Variants in PRORP observed in about 807,000 individuals in gnomAD.
PRORP encodes protein only RNase P catalytic subunit.
In PRORP, 51 loss-of-function variants were observed where a neutral mutation model predicts 59.4. The observed-to-expected ratio is 0.86, with a 90% CI of 0.69 to 1.08. PRORP has a LOEUF of 1.08. PRORP is among the 50% of genes least tolerant of loss of function. The pLI is 0.00. For missense variants in PRORP, 646 were observed against 690.3 expected (o/e 0.94, Z 0.72); for synonymous variants, 231 against 245.6 (o/e 0.94, Z 0.55).
intron 5 of PRORP, among the ~76,000 whole-genome samples, chr14:35,202,591 A>C (rs1595297854): frequency 6.6e-6 from 1 of 152,160 alleles, no homozygotes; most frequent in Non-Finnish European, 1.5e-5. Flanking sequence ...TTACTGTCTC[A>C]TGCGATCAAA....
chr14:35,269,501 G>A (rs1594363000), intron 6 of PRORP, among the ~76,000 whole-genome samples: 1 of 152,266 alleles, frequency 6.6e-6, no homozygotes, highest in East Asian at 1.9e-4. Context: ...TTCCACTAAT[G>A]TGCCAAAGAA....
In PRORP at chr14:35,167,015, C is replaced by G. The variant is rs188348954; in HGVS notation, c.1168-13655C>G. Among the ~76,000 whole-genome samples the G allele has an allele frequency of 5.3e-4, 81 of 152,246 alleles. 1 individual carries two copies. The highest frequency in any genetic ancestry group is 1.8e-3 in the Admixed American group (27 of 15,290). On this transcript the variant is annotated intron_variant, in intron 4 of 7. Coordinates refer to ENST00000534898, the MANE Select transcript of PRORP (RefSeq NM_014672.4). ...GGGGCATTTTTCCTCTCTGGCTTCT[C>G]AAGTCAGATGCCATTTATAATTCTT...
chr14:35,179,989 T>C (rs2048558648), intron 4 of PRORP, among the ~76,000 whole-genome samples: 1 of 152,238 alleles, frequency 6.6e-6, no homozygotes, highest in Non-Finnish European at 1.5e-5. Flanking sequence ...TGGAGTTTGC[T>C]GGAGGTCCAC....
In PRORP at chr14:35,123,253, T is replaced by C; in HGVS notation, c.8T>C (p.Phe3Ser). 6.2e-7 allele frequency: 1 copy of C among 1,607,930 alleles called. No individual in the cohort carries two copies. Among genetic ancestry groups the C allele is most frequent in the Non-Finnish European group, 8.5e-7 (1 of 1,177,804 alleles). ...TGCTGATCTCACTGCATAATGACTT[T>C]CTATTTGTTTGGTATTCGAAGCTTT... Reference protein sequence around the residue: MTFYLFGIRSFPK... With the variant: MTSYLFGIRSFPK... Residue 3 changes from phenylalanine (F) to serine (S), a missense_variant, in exon 2 of 8, where the codon TTC becomes TCC. Coordinates refer to ENST00000534898, the MANE Select transcript of PRORP (RefSeq NM_014672.4).
chr14:35,201,584 TACTTCCTTACTCTCTGGC>T (rs2049150704), intron 5 of PRORP, among the ~76,000 whole-genome samples: 1 of 152,074 alleles, frequency 6.6e-6, no homozygotes, highest in Non-Finnish European at 1.5e-5. Context: ...TTTTTTTTAG[TACTTCCTTACTCTCTGGC>T]ACTACAAAAT....
rs1412878184 is a variant in PRORP at position 35,273,992 on chromosome 14, A to G, written c.*426A>G. The G allele has an allele frequency of 1.3e-5, 2 of 157,160 alleles. No individual in the cohort carries two copies. The highest frequency in any genetic ancestry group is 2.8e-5 in the Non-Finnish European group (2 of 71,454). 9.7% of individuals were successfully genotyped at this position (157,160 alleles called of 1,614,324 possible). On this transcript the variant is annotated 3_prime_UTR_variant, in exon 8 of 8. Transcript: ENST00000534898. ...CTCCTCCCATTTCTGGCATAGTCTCATTCTCTGTATGTTATGCCCTATCCA... is the reference window on the plus strand; with the variant it reads ...CTCCTCCCATTTCTGGCATAGTCTCGTTCTCTGTATGTTATGCCCTATCCA...
In PRORP at chr14:35,169,436, G is replaced by C. The variant is rs1021358203; in HGVS notation, c.1168-11234G>C. ...CACTGCTATAAAGAACTGCCTGAGC[G>C]TGGGTAAATTTACAAAGAAAAGAGG... On this transcript the variant is annotated intron_variant, in intron 4 of 7. Transcript: ENST00000534898. 3.6e-5 allele frequency among the ~76,000 whole-genome samples: 5 copies of C among 140,562 alleles called. No individual in the cohort carries two copies. The Admixed American group carries it at 3.7e-4, about 11-fold the overall frequency. 92.2% of individuals were successfully genotyped at this position (140,562 alleles called of 152,430 possible).
chr14:35,122,279 G>A, upstream of PRORP: 2 of 350,100 alleles, frequency 5.7e-6, no homozygotes, highest in Non-Finnish European at 1.1e-5. Context: ...TGTGCCTTTG[G>A]CGCGTGCGCA....
chr14:35,131,188 C>G (rs538070010), intron 4 of PRORP, among the ~76,000 whole-genome samples: 2 of 152,142 alleles, frequency 1.3e-5, no homozygotes, highest in African/African-American at 4.8e-5. Flanking sequence ...GGTGATCCAC[C>G]CACCTCGGCC....
chr14:35,274,101 A>G lies in PRORP; in HGVS notation c.*535A>G, dbSNP rs2051264686. On this transcript the variant is annotated 3_prime_UTR_variant, in exon 8 of 8. Coordinates refer to ENST00000534898, the MANE Select transcript of PRORP (RefSeq NM_014672.4). ...TCATAGCAGTTTTTAATTACTTATC[A>G]TCCAATTATTTGGATTGGAGAAGAG... 1 of 152,164 alleles carries G rather than the reference A, an allele frequency of 6.6e-6. No homozygotes were observed. The highest frequency in any genetic ancestry group is 2.4e-5 in the African/African-American group (1 of 41,440). 9.4% of individuals were successfully genotyped at this position (152,164 alleles called of 1,614,324 possible). A position where few individuals can be genotyped will look rare whatever the true frequency, so the allele number is the denominator to read the frequency against.
intron 5 of PRORP, chr14:35,262,954 C>G: frequency 1.3e-6 from 2 of 1,598,036 alleles, no homozygotes; most frequent in Non-Finnish European, 1.7e-6. Flanking sequence ...CAAGCCACGA[C>G]AGTTAAAAAC....
intron 5 of PRORP, among the ~76,000 whole-genome samples, chr14:35,197,256 A>G (rs186220719): frequency 2.0e-5 from 3 of 152,216 alleles, no homozygotes. Flanking sequence ...TGCTTCCATC[A>G]CAGTGTTTTA....
rs1184841640 is a variant in PRORP at position 35,145,618 on chromosome 14, G to T, written c.1167+18007G>T. 4.3e-5 allele frequency among the ~76,000 whole-genome samples: 6 copies of T among 139,420 alleles called. 1 individual carries two copies. The highest frequency in any genetic ancestry group is 7.9e-5 in the Non-Finnish European group (5 of 63,416). The allele number at this position is 139,420 out of a possible 152,430, so 91.5% of individuals were successfully genotyped here. ...GTCTGTAGTCCCAGCTACTGAGGAGGCTGAGACAGGAGAATTGCTTGGACC... is the reference window on the plus strand; with the variant it reads ...GTCTGTAGTCCCAGCTACTGAGGAGTCTGAGACAGGAGAATTGCTTGGACC... On this transcript the variant is annotated intron_variant, in intron 4 of 7. Transcript: ENST00000534898.
At chr14:35,222,568 G>A (rs904275560) in intron 5 of PRORP, 1 of 152,146 alleles carries the variant, frequency 6.6e-6, no homozygotes, top group African/African-American at 2.4e-5. Flanking sequence ...CCAGTTTTAA[G>A]GTCCACACAG....
In PRORP at chr14:35,123,388, T is replaced by C. The variant is rs539818338; in HGVS notation, c.143T>C (p.Leu48Pro). 6.2e-7 allele frequency: 1 copy of C among 1,614,186 alleles called. No individual in the cohort carries two copies. Among genetic ancestry groups the C allele is most frequent in the African/African-American group, 1.3e-5 (1 of 75,068 alleles). The change falls in exon 2 of 8, where the codon CTT becomes CCT. Residue 48 changes from leucine to proline, a missense_variant. Physicochemically the swap from Leu to Pro is moderately conservative, Grantham distance 98. Coordinates refer to ENST00000534898, the MANE Select transcript of PRORP (RefSeq NM_014672.4). ...GIRNQQRLFS[L>P]KTMSPQNTKA... ...AGGAACCAGCAGAGGTTGTTTTCTC[T>C]TAAAACAATGTCTCCACAGAATACC...
intron 5 of PRORP, among the ~76,000 whole-genome samples, chr14:35,210,001 G>A (rs2049397572): frequency 6.6e-6 from 1 of 152,034 alleles, no homozygotes; most frequent in Non-Finnish European, 1.5e-5. Context: ...AGATCTTTAA[G>A]TTTCTCTTAT....
At chr14:35,243,127 G>T (rs2050404227) in intron 5 of PRORP, among the ~76,000 whole-genome samples, 1 of 152,186 alleles carries the variant, frequency 6.6e-6, no homozygotes, top group Non-Finnish European at 1.5e-5. Context: ...CACTCCAGCT[G>T]AGAAATACAG....
chr14:35,217,965 A>G (rs909302870), intron 5 of PRORP, among the ~76,000 whole-genome samples: 1 of 152,112 alleles, frequency 6.6e-6, no homozygotes, highest in African/African-American at 2.4e-5. Flanking sequence ...CAGTTTGTCA[A>G]TTTCTACAAA....
chr14:35,269,824 T>C (rs937685082), intron 6 of PRORP, among the ~76,000 whole-genome samples: 2 of 152,144 alleles, frequency 1.3e-5, no homozygotes, highest in African/African-American at 4.8e-5. Flanking sequence ...TTACAGCACA[T>C]TTATTAAAAT....
Sources: allele counts gnomAD v4.1 joint callset (sites outside exome capture counted in the v4.1 genomes callset), GRCh38; gene constraint gnomAD v4.1.1; transcripts MANE v1.5; gene names NCBI Gene and HGNC (gene_info 2026-07-23, HGNC 2026-07-21).